The following CSGALNACT1 variants were observed in gnomAD, a reference collection of about 807,000 sequenced individuals.
CSGALNACT1 encodes chondroitin sulfate N-acetylgalactosaminyltransferase 1.
CSGALNACT1 carries 52 observed loss-of-function variants against 51.0 expected under a neutral mutation model. That is an observed-to-expected ratio of 1.02 (90% CI 0.82 to 1.29). The LOEUF is 1.29. CSGALNACT1 is among the 50% of genes most tolerant of loss of function. CSGALNACT1 has a pLI of 0.00. For missense variants in CSGALNACT1, 935 were observed against 679.2 expected, an observed-to-expected ratio of 1.38 and a Z score of -4.19; for synonymous variants, 341 against 254.4, an observed-to-expected ratio of 1.34 and a Z score of -3.24.
rs533235539 is a variant in CSGALNACT1, at chr8:19,405,853, A to C, written c.1526T>G (p.Met509Arg). 7.6e-5 allele frequency: 123 copies of C among 1,614,136 alleles called. 1 individual carries two copies. The East Asian group carries it at 1.3e-3, about 17-fold the overall frequency. The change falls in exon 10 of 10, where the codon ATG becomes AGG. Residue 509 changes from methionine (M) to arginine (R), a missense_variant. Physicochemically the swap from Met to Arg is moderately conservative, Grantham distance 91 (BLOSUM62 -1). Transcript: ENST00000454498. The stretch of plus-strand genomic sequence containing the variant: ...CTCTATCTCGTGCCTGAACACCAGC[A>C]TGCCCAGCTGGCCGTGGGATGCCTC...
intron 3 of CSGALNACT1, among the ~76,000 whole-genome samples, chr8:19,516,348 A>T (rs1294124686): frequency 6.6e-6 from 1 of 152,168 alleles, no homozygotes; most frequent in Non-Finnish European, 1.5e-5. Flanking sequence ...TCTGATTCTT[A>T]CCCACTACGC....
rs1554795061 is a variant in CSGALNACT1 at position 19,667,040 on chromosome 8, G to GAAAGAAAGA, written c.-544+15432_-544+15433insTCTTTCTTT. On this transcript the variant is annotated intron_variant, in intron 1 of 9. Transcript: ENST00000332246. ...GAAAGGAAGGAAGGAAGGAAGGAAG[G>GAAAGAAAGA]AAGAAAGAAAGAAAGAAAGAAAGAA... Among the ~76,000 whole-genome samples, 17 of 34,974 alleles carry GAAAGAAAGA rather than the reference G, an allele frequency of 4.9e-4. 3 individuals are homozygous for GAAAGAAAGA. Among genetic ancestry groups the GAAAGAAAGA allele is most frequent in the East Asian group, 2.7e-3 (3 of 1,110 alleles). The allele number at this position is 34,974 out of a possible 152,430, so 22.9% of individuals were successfully genotyped here.
chr8:19,502,028 G>A (rs2076511150), intron 4 of CSGALNACT1, among the ~76,000 whole-genome samples: 1 of 152,212 alleles, frequency 6.6e-6, no homozygotes, highest in Non-Finnish European at 1.5e-5. Context: ...AGATAATAAT[G>A]AAATCAATAT....
chr8:19,479,945 T>C (rs181107989), intron 4 of CSGALNACT1, among the ~76,000 whole-genome samples: 58 of 152,286 alleles, frequency 3.8e-4, no homozygotes, highest in African/African-American at 1.3e-3. Flanking sequence ...GATATAAATA[T>C]TGGGATGACA....
At chr8:19,514,263 C>T (rs1587636809) in intron 3 of CSGALNACT1, among the ~76,000 whole-genome samples, 2 of 151,784 alleles carry the variant, frequency 1.3e-5, no homozygotes, top group Admixed American at 1.3e-4. Context: ...GCCTTCTTCC[C>T]TGACCCCCTC....
At chr8:19,510,453 A>C (rs1360990163) in intron 3 of CSGALNACT1, among the ~76,000 whole-genome samples, 1 of 152,174 alleles carries the variant, frequency 6.6e-6, no homozygotes, top group Non-Finnish European at 1.5e-5. Flanking sequence ...TTCTGTCTTT[A>C]TTCATCCATA....
At chr8:19,556,617 C>T (rs1037118961) in intron 3 of CSGALNACT1, among the ~76,000 whole-genome samples, 7 of 152,116 alleles carry the variant, frequency 4.6e-5, no homozygotes, top group African/African-American at 1.7e-4. Flanking sequence ...AATCAGAACA[C>T]AGCATTATTG....
At chr8:19,613,459 CT>C (rs2052584129) in intron 1 of CSGALNACT1, among the ~76,000 whole-genome samples, 1 of 152,322 alleles carries the variant, frequency 6.6e-6, no homozygotes, top group South Asian at 2.1e-4. Context: ...TATTTTCTAA[CT>C]TTTTGCTTGA....
Position 19,673,080 on chromosome 8 carries a change from CA to C in CSGALNACT1, c.-544+9392del, listed in dbSNP as rs376096289. Among the ~76,000 whole-genome samples the C allele has an allele frequency of 2.0e-3, 302 of 152,300 alleles. 2 individuals are homozygous for C. The highest frequency in any genetic ancestry group is 6.9e-3 in the African/African-American group (288 of 41,550). ...CCTAATTTATAATGTAGCCTTAGAACAAGGGGCAAATGTCGTCTTACACACA... is the reference window on the plus strand; with the variant it reads ...CCTAATTTATAATGTAGCCTTAGAACAGGGGCAAATGTCGTCTTACACACA... On this transcript the variant is annotated intron_variant, in intron 1 of 9. Transcript: ENST00000332246.
At chr8:19,512,206 G>A (rs2078598575) in intron 3 of CSGALNACT1, among the ~76,000 whole-genome samples, 1 of 152,190 alleles carries the variant, frequency 6.6e-6, no homozygotes, top group South Asian at 2.1e-4. Flanking sequence ...CTTGTGGAGG[G>A]GCCCATGGAT....
chr8:19,691,360 A>G (rs1035751601), intron 1 of CSGALNACT1, among the ~76,000 whole-genome samples: 3 of 152,192 alleles, frequency 2.0e-5, no homozygotes, highest in African/African-American at 7.2e-5. Context: ...AGCCAACCTC[A>G]GCTACCAGGG....
chr8:19,580,442 C>G (rs576701324), intron 3 of CSGALNACT1, among the ~76,000 whole-genome samples: 44 of 152,206 alleles, frequency 2.9e-4, no homozygotes, highest in Admixed American at 5.2e-4. Context: ...CTGAGACTCT[C>G]AATGGCTTAT....
intron 1 of CSGALNACT1, among the ~76,000 whole-genome samples, chr8:19,666,832 A>ATCTCATCACAATATC: frequency 3.6e-5 from 1 of 27,846 alleles, no homozygotes; most frequent in Non-Finnish European, 6.9e-5. Flanking sequence ...AGAGAGAGAG[A>ATCTCATCACAATATC]GAAAGAAAGA....
At chr8:19,553,925 A>ACC (rs1554697908) in intron 3 of CSGALNACT1, among the ~76,000 whole-genome samples, 2 of 151,514 alleles carry the variant, frequency 1.3e-5, no homozygotes, top group African/African-American at 2.4e-5. Context: ...ACACACACAC[A>ACC]CCCAGAATCA....
intron 6 of CSGALNACT1, among the ~76,000 whole-genome samples, chr8:19,437,666 A>G (rs1585991054): frequency 1.3e-5 from 2 of 152,338 alleles, no homozygotes; most frequent in South Asian, 4.1e-4. Flanking sequence ...GTATAGGTAT[A>G]TACATATACA....
At chr8:19,563,584 C>T (rs1435815284) in intron 3 of CSGALNACT1, among the ~76,000 whole-genome samples, 2 of 152,188 alleles carry the variant, frequency 1.3e-5, no homozygotes, top group African/African-American at 2.4e-5. Context: ...GTCACCATCA[C>T]CGCTCTTGAA....
intron 1 of CSGALNACT1, among the ~76,000 whole-genome samples, chr8:19,732,048 C>T (rs1343734370): frequency 6.6e-6 from 1 of 152,152 alleles, no homozygotes; most frequent in Non-Finnish European, 1.5e-5. Context: ...TGCTTTCTTA[C>T]AATCAATTCT....
chr8:19,683,741 T>C (rs961208297), upstream of CSGALNACT1, among the ~76,000 whole-genome samples: 1 of 152,228 alleles, frequency 6.6e-6, no homozygotes, highest in African/African-American at 2.4e-5. Flanking sequence ...GGATTTTTTC[T>C]ACAGCTTGGC....
chr8:19,554,333 A>C (rs538835762), intron 3 of CSGALNACT1, among the ~76,000 whole-genome samples: 1 of 152,280 alleles, frequency 6.6e-6, no homozygotes, highest in Middle Eastern at 3.4e-3. Context: ...AATCGGTGTT[A>C]TCATTTTTGG....
Sources: allele counts gnomAD v4.1 joint callset (sites outside exome capture counted in the v4.1 genomes callset), GRCh38; gene constraint gnomAD v4.1.1; transcripts MANE v1.5; gene names NCBI Gene and HGNC (gene_info 2026-07-23, HGNC 2026-07-21).